FAM185A: variants seen among roughly 807,000 people sequenced by gnomAD.
FAM185A encodes the protein protein FAM185A.
A neutral mutation model predicts 45.7 loss-of-function variants in FAM185A; 21 were observed. The ratio of observed to expected loss-of-function variants is 0.46; its 90% CI spans 0.33 to 0.66. The LOEUF (loss-of-function observed/expected upper bound fraction) is 0.66, where lower values mean the gene tolerates loss of function less well. Among genes scored for constraint, FAM185A ranks in the 30% least tolerant of loss-of-function variants. The pLI is 0.03. For missense variants in FAM185A, 305 were observed against 485.4 expected, an observed-to-expected ratio of 0.63 and a Z score of 3.49; for synonymous variants, 117 against 194.0, an observed-to-expected ratio of 0.60 and a Z score of 3.30.
chr7:102,833,984 G>A, the FAM185A span, among the ~76,000 whole-genome samples: 1 of 145,064 alleles, frequency 6.9e-6, no homozygotes, highest in Admixed American at 7.0e-5. Flanking sequence ...AACCGTAATT[G>A]TAAAAATATA....
chr7:102,782,427 G>A (rs954374385), intron 6 of FAM185A, among the ~76,000 whole-genome samples: 27 of 152,196 alleles, frequency 1.8e-4, no homozygotes, highest in Admixed American at 1.3e-3. Flanking sequence ...ACAAAGGGAA[G>A]CCCATCAGAC....
chr7:102,842,783 G>A, the FAM185A span, among the ~76,000 whole-genome samples: 2 of 152,262 alleles, frequency 1.3e-5, no homozygotes, highest in South Asian at 4.1e-4. Context: ...CAAATTCTAG[G>A]GGTTTCAGTT....
At chr7:102,808,066 A>G (rs547517838) in intron 7 of FAM185A, among the ~76,000 whole-genome samples, 2 of 152,278 alleles carry the variant, frequency 1.3e-5, no homozygotes, top group South Asian at 4.1e-4. Flanking sequence ...GTCTCAAACA[A>G]AACAAAACAA....
chr7:102,833,180 T>G, the FAM185A span, among the ~76,000 whole-genome samples: 15 of 152,310 alleles, frequency 9.8e-5, no homozygotes, highest in African/African-American at 3.6e-4. Context: ...AACAGCTTAG[T>G]GATATTCAAA....
intron 2 of FAM185A, among the ~76,000 whole-genome samples, chr7:102,753,770 A>G (rs1300545405): frequency 6.6e-6 from 1 of 152,180 alleles, no homozygotes; most frequent in Non-Finnish European, 1.5e-5. Context: ...TAAGAACACT[A>G]TTATCCCATA....
chr7:102,765,097 T>A (rs1187287013), intron 4 of FAM185A, among the ~76,000 whole-genome samples: 3 of 152,198 alleles, frequency 2.0e-5, no homozygotes, highest in Non-Finnish European at 4.4e-5. Flanking sequence ...ATTAGTGGAA[T>A]AGCAAGGATT....
chr7:102,796,446 C>A (rs1358670530), intron 7 of FAM185A, among the ~76,000 whole-genome samples: 1 of 152,176 alleles, frequency 6.6e-6, no homozygotes, highest in East Asian at 1.9e-4. Flanking sequence ...AGTCTAGTCC[C>A]CAGGCGGGAA....
chr7:102,807,608 C>T (rs999137003), intron 7 of FAM185A, among the ~76,000 whole-genome samples: 8 of 152,062 alleles, frequency 5.3e-5, no homozygotes, highest in African/African-American at 1.7e-4. Flanking sequence ...AAGGGATACT[C>T]ATCCTGTACA....
chr7:102,834,145 G>C, the FAM185A span, among the ~76,000 whole-genome samples: 11,791 of 93,646 alleles, frequency 0.13, 1,008 homozygotes, highest in Middle Eastern at 0.17. Context: ...AAAGAAAAGA[G>C]AAGACAAGAG....
chr7:102,829,115 A>G, the FAM185A span, among the ~76,000 whole-genome samples: 2 of 152,212 alleles, frequency 1.3e-5, no homozygotes. Flanking sequence ...TATAAAACCC[A>G]AGATGGTCCA....
the FAM185A span, among the ~76,000 whole-genome samples, chr7:102,846,481 T>C: frequency 6.6e-6 from 1 of 152,056 alleles, no homozygotes; most frequent in African/African-American, 2.4e-5. Context: ...GAGCTGAGGA[T>C]GATGGCACAT....
the FAM185A span, among the ~76,000 whole-genome samples, chr7:102,833,992 A>G: frequency 1.3e-5 from 2 of 150,884 alleles, no homozygotes; most frequent in African/African-American, 4.9e-5. Flanking sequence ...TTGTAAAAAT[A>G]TATTTAAAAA....
At chr7:102,834,082 AAAGAAAAG>A in the FAM185A span, among the ~76,000 whole-genome samples, 647 of 80,156 alleles carry the variant, frequency 8.1e-3, 2 homozygotes, top group Middle Eastern at 0.016. Flanking sequence ...GGAAGGAAGG[AAAGAAAAG>A]AAAGAAAGAA....
In FAM185A at chr7:102,785,103, C is replaced by G. The variant is rs1795694436; in HGVS notation, c.932-2232C>G. The stretch of plus-strand genomic sequence containing the variant: ...AATTGCTTCAAAGAGAATAAAATAC[C>G]TAGGAATTCAACTTACAAGGGACGT... On this transcript the variant is annotated intron_variant, in intron 6 of 7. Coordinates refer to ENST00000413034, the MANE Select transcript of FAM185A (RefSeq NM_001145268.2). Among the ~76,000 whole-genome samples the G allele has an allele frequency of 2.6e-5, 4 of 152,070 alleles. No individual in the cohort carries two copies. The South Asian group carries it at 8.3e-4, about 32-fold the overall frequency.
chr7:102,775,902 A>G (rs1795026674), intron 5 of FAM185A, among the ~76,000 whole-genome samples: 1 of 152,062 alleles, frequency 6.6e-6, no homozygotes, highest in East Asian at 1.9e-4. Flanking sequence ...TAGTGGTTTC[A>G]TTTCCCAACG....
chr7:102,823,163 A>G, the FAM185A span, among the ~76,000 whole-genome samples: 1 of 152,210 alleles, frequency 6.6e-6, no homozygotes, highest in Non-Finnish European at 1.5e-5. Flanking sequence ...AAAATTTTTT[A>G]GTAATACCTG....
intron 6 of FAM185A, among the ~76,000 whole-genome samples, chr7:102,784,813 G>C (rs966999864): frequency 2.8e-4 from 43 of 152,304 alleles, no homozygotes; most frequent in African/African-American, 9.6e-4. Context: ...CTTCAACATA[G>C]TGTTGGAAGT....
Position 102,754,843 on chromosome 7 carries a change from T to C in FAM185A, c.562-3011T>C, listed in dbSNP as rs183719245. On this transcript the variant is annotated intron_variant, in intron 2 of 7. Coordinates refer to ENST00000413034, the MANE Select transcript of FAM185A (RefSeq NM_001145268.2). ...TTGAATGTCACACATTTGCATTTTTTAAATGCAGTATAATTTATTTTCTAA... is the reference window on the plus strand; with the variant it reads ...TTGAATGTCACACATTTGCATTTTTCAAATGCAGTATAATTTATTTTCTAA... Among the ~76,000 whole-genome samples, 117 of 152,364 alleles carry C rather than the reference T, an allele frequency of 7.7e-4. No homozygotes were observed. In the East Asian group the frequency reaches 8.5e-3, roughly 11 times the overall value.
chr7:102,766,689 T>G (rs1218504182), intron 4 of FAM185A, among the ~76,000 whole-genome samples: 1 of 152,146 alleles, frequency 6.6e-6, no homozygotes, highest in Non-Finnish European at 1.5e-5. Flanking sequence ...GAAATTCTAG[T>G]ATTTATTCCT....
Sources: allele counts gnomAD v4.1 joint callset (sites outside exome capture counted in the v4.1 genomes callset), GRCh38; gene constraint gnomAD v4.1.1; transcripts MANE v1.5; gene names NCBI Gene and HGNC (gene_info 2026-07-23, HGNC 2026-07-21).